The following DYSF variants were observed in gnomAD, a reference collection of about 807,000 sequenced individuals.
DYSF encodes the protein dysferlin.
DYSF carries 212 observed loss-of-function variants against 274.9 expected under a neutral mutation model. The ratio of observed to expected loss-of-function variants is 0.77; its 90% CI spans 0.69 to 0.86. DYSF has a LOEUF of 0.86. DYSF is among the 40% of genes least tolerant of loss of function. The pLI, the probability that DYSF is intolerant of heterozygous loss-of-function variation, is 0.00. For synonymous variants in DYSF, 1,091 were observed against 1,078.7 expected, an observed-to-expected ratio of 1.01 and a Z score of -0.22; for missense variants, 2,666 against 2,783.2, an observed-to-expected ratio of 0.96 and a Z score of 0.95.
intron 36 of DYSF, chr2:71,610,994 G>C (rs1020410659): frequency 9.2e-6 from 5 of 546,230 alleles, no homozygotes; most frequent in Admixed American, 5.5e-5. Context: ...GGGGTGACGG[G>C]ATTCAGTTGG....
chr2:71,466,878 C>A lies in DYSF; in HGVS notation c.36C>A (p.Leu12=), dbSNP rs2081569847. Residue 12 remains leucine (L), a synonymous_variant, in exon 1 of 56, where the codon CTC becomes CTA. Coordinates refer to ENST00000410020, the MANE Select transcript of DYSF (RefSeq NM_001130987.2). ...LCCLLVRASN[L]PSAKKDRRSD... The stretch of plus-strand genomic sequence containing the variant: ...GCCTGCTGGTGAGGGCCAGCAACCT[C>A]CCCAGTGCGAAGAAGGACCGGCGCA... The A allele has an allele frequency of 6.5e-7, 1 of 1,549,376 alleles. No individual in the cohort carries two copies. The highest frequency in any genetic ancestry group is 1.2e-5 in the South Asian group (1 of 84,012).
intron 32 of DYSF, among the ~76,000 whole-genome samples, chr2:71,591,037 C>T (rs2093249331): frequency 6.6e-6 from 1 of 152,244 alleles, no homozygotes; most frequent in South Asian, 2.1e-4. Flanking sequence ...ACCTCCAACT[C>T]AGCACAGCAG....
At chr2:71,631,413 A>C (rs1296851486) in intron 41 of DYSF, among the ~76,000 whole-genome samples, 1 of 152,216 alleles carries the variant, frequency 6.6e-6, no homozygotes, top group Non-Finnish European at 1.5e-5. Flanking sequence ...GCTTGAAAGT[A>C]ACTGTACTTC....
At chr2:71,597,546 C>T (rs940792911) in intron 32 of DYSF, among the ~76,000 whole-genome samples, 4 of 152,202 alleles carry the variant, frequency 2.6e-5, no homozygotes, top group African/African-American at 9.6e-5. Context: ...GAATCCGAGT[C>T]TCTGGGGGCA....
chr2:71,663,547 G>A (rs2094939807), intron 45 of DYSF, among the ~76,000 whole-genome samples: 1 of 152,178 alleles, frequency 6.6e-6, no homozygotes, highest in Non-Finnish European at 1.5e-5. Context: ...CCTTCTCCAT[G>A]CCACAAGTTG....
chr2:71,542,066 C>G (rs924627248), intron 17 of DYSF, among the ~76,000 whole-genome samples: 1 of 152,124 alleles, frequency 6.6e-6, no homozygotes. Flanking sequence ...GCTCTCCAGC[C>G]CACCAACTTG....
Position 71,570,663 on chromosome 2 carries a change from G to C in DYSF, c.3150G>C (p.Lys1050Asn). The change falls in exon 29 of 56, where the codon AAG (lysine) becomes AAC (asparagine). Residue 1050 changes from lysine to asparagine, a missense_variant. By Grantham distance (94) the Lys-to-Asn change is moderately conservative. Transcript: ENST00000410020. ...CGAAGCACTGGGTCCCTGCTGAGAA[G>C]ATGTACTACACACACCGACGGCGGC... ...RKPKHWVPAE[K>N]MYYTHRRRRW... is the part of the protein sequence containing the mutation. 2 of 1,614,116 alleles carry C rather than the reference G, an allele frequency of 1.2e-6. No homozygotes were observed. The highest frequency in any genetic ancestry group is 2.2e-5 in the South Asian group (2 of 91,080).
At chr2:71,461,099 C>T (rs1331780975) in intron 1 of DYSF, among the ~76,000 whole-genome samples, 2 of 152,166 alleles carry the variant, frequency 1.3e-5, no homozygotes, top group Non-Finnish European at 2.9e-5. Context: ...ATACCAATGC[C>T]AGGCCAGTCC....
chr2:71,671,497 T>TGAGACC (rs1234826593), intron 51 of DYSF, among the ~76,000 whole-genome samples: 1 of 152,218 alleles, frequency 6.6e-6, no homozygotes, highest in African/African-American at 2.4e-5. Context: ...GGCTGGAGAC[T>TGAGACC]GAGACCGAGA....
At chr2:71,526,411 T>TGGGGGGGGGGGGGGGGGGGGGGGGGGGGG in intron 13 of DYSF, 65 bp downstream of exon 13, 1 of 306,928 alleles carries the variant, frequency 3.3e-6, no homozygotes, top group Non-Finnish European at 5.0e-6. Flanking sequence ...CTGGTGGGGG[T>TGGGGGGGGGGGGGGGGGGGGGGGGGGGGG]GGGCGATGGC....
chr2:71,578,944 A>G (rs2092799867), intron 30 of DYSF, among the ~76,000 whole-genome samples: 1 of 152,108 alleles, frequency 6.6e-6, no homozygotes, highest in Non-Finnish European at 1.5e-5. Context: ...CCCGAGCATT[A>G]TTTTATTTTC....
intron 3 of DYSF, among the ~76,000 whole-genome samples, chr2:71,498,662 C>T (rs148214380): frequency 1.3e-3 from 195 of 152,294 alleles, no homozygotes; most frequent in African/African-American, 3.8e-3. Context: ...CAGGCAAGGA[C>T]GAGGTTTGTT....
intron 8 of DYSF, 144 bp from the exon 9 acceptor site, chr2:71,516,036 C>A: frequency 1.1e-6 from 1 of 948,150 alleles, no homozygotes; most frequent in Non-Finnish European, 1.7e-6. Flanking sequence ...CAGAACTTGT[C>A]CAATCCCCAG....
chr2:71,636,220 A>G lies in DYSF; in HGVS notation c.4528-7745A>G, dbSNP rs145083290. Among the ~76,000 whole-genome samples the G allele has an allele frequency of 1.6e-4, 25 of 152,294 alleles. No homozygotes were observed. The East Asian group carries it at 4.8e-3, about 29-fold the overall frequency. On this transcript the variant is annotated intron_variant, in intron 41 of 55. Coordinates refer to ENST00000410020, the MANE Select transcript of DYSF (RefSeq NM_001130987.2). ...TTAGTTTTATTCTGAGTGAGCTGACAAATCACTGGAGGGATTTGCACAGAG... is the reference window on the plus strand; with the variant it reads ...TTAGTTTTATTCTGAGTGAGCTGACGAATCACTGGAGGGATTTGCACAGAG...
chr2:71,561,871 G>T lies in DYSF; in HGVS notation c.2336G>T (p.Gly779Val). ...ITEAALALKLGHSELPAALEQ... is the reference protein window; with the variant it reads ...ITEAALALKLVHSELPAALEQ... ...GAGGCTGCCCTGGCCCTGAAGCTCG[G>T]CCACAGTGAGCTCCCTGCAGCTCTG... is the stretch of plus-strand genomic sequence containing the variant. Residue 779 changes from glycine (G) to valine (V), a missense_variant, in exon 23 of 56, where the codon GGC becomes GTC. Transcript: ENST00000410020. The T allele has an allele frequency of 6.2e-7, 1 of 1,614,162 alleles. No individual in the cohort carries two copies. The highest frequency in any genetic ancestry group is 8.5e-7 in the Non-Finnish European group (1 of 1,180,026).
intron 42 of DYSF, among the ~76,000 whole-genome samples, chr2:71,645,649 G>GT (rs397830562): frequency 2.0e-5 from 3 of 150,544 alleles, no homozygotes; most frequent in Non-Finnish European, 4.4e-5. Flanking sequence ...TAGGCCTGTG[G>GT]CACAGGCCCG....
intron 10 of DYSF, among the ~76,000 whole-genome samples, chr2:71,518,085 G>A (rs574685241): frequency 6.6e-6 from 1 of 152,188 alleles, no homozygotes; most frequent in Non-Finnish European, 1.5e-5. Context: ...ATGGATCCCT[G>A]GGGGAGGGAG....
At chr2:71,649,132 G>A (rs1435183654) in intron 42 of DYSF, among the ~76,000 whole-genome samples, 3 of 79,898 alleles carry the variant, frequency 3.8e-5, no homozygotes, top group Non-Finnish European at 7.0e-5. Flanking sequence ...GCAAGACTTT[G>A]TCTCCAAAAA....
chr2:71,618,622 GGTGT>G (rs1553387398), intron 40 of DYSF, among the ~76,000 whole-genome samples: 1 of 78,930 alleles, frequency 1.3e-5, no homozygotes, highest in African/African-American at 4.4e-5. Flanking sequence ...TGGTAGAGGT[GGTGT>G]GTGTGTTACA....
Sources: allele counts gnomAD v4.1 joint callset (sites outside exome capture counted in the v4.1 genomes callset), GRCh38; gene constraint gnomAD v4.1.1; transcripts MANE v1.5; gene names NCBI Gene and HGNC (gene_info 2026-07-23, HGNC 2026-07-21).